DTX2: variants seen among roughly 807,000 people sequenced by gnomAD.
DTX2 encodes probable E3 ubiquitin-protein ligase DTX2.
In DTX2, 29 loss-of-function variants were observed where a neutral mutation model predicts 55.3. The observed-to-expected ratio is 0.52, with a 90% CI of 0.39 to 0.71. The LOEUF is 0.71. Ranked by LOEUF, DTX2 falls within the 30% of genes least tolerant of loss-of-function variation. DTX2 has a pLI of 0.00. For missense variants in DTX2, 537 were observed against 822.5 expected, an observed-to-expected ratio of 0.65 and a Z score of 4.25; for synonymous variants, 276 against 340.4, an observed-to-expected ratio of 0.81 and a Z score of 2.08.
chr7:76,499,568 A>T (rs1170943238), intron 6 of DTX2, among the ~76,000 whole-genome samples: 1 of 149,914 alleles, frequency 6.7e-6, no homozygotes, highest in African/African-American at 2.5e-5. Flanking sequence ...CTTGGGGTGG[A>T]GCCCCTGTCA....
chr7:76,483,841 C>T (rs1467822995), intron 4 of DTX2, among the ~76,000 whole-genome samples: 1 of 151,474 alleles, frequency 6.6e-6, no homozygotes, highest in African/African-American at 2.4e-5. Flanking sequence ...ATCATTTGAA[C>T]CCAGCAGTCA....
At chr7:76,476,478 G>A (rs924586159) in intron 2 of DTX2, among the ~76,000 whole-genome samples, 1 of 152,062 alleles carries the variant, frequency 6.6e-6, no homozygotes, top group Non-Finnish European at 1.5e-5. Context: ...TGCAGCCCCA[G>A]CTCTGCCCTC....
At chr7:76,464,840 T>A (rs1039003281) in intron 2 of DTX2, among the ~76,000 whole-genome samples, 1 of 151,094 alleles carries the variant, frequency 6.6e-6, no homozygotes, top group Non-Finnish European at 1.5e-5. Context: ...CCTCAGTTGC[T>A]TATAGTCTAG....
At chr7:76,464,770 G>A (rs1385385544) in intron 2 of DTX2, among the ~76,000 whole-genome samples, 3 of 150,362 alleles carry the variant, frequency 2.0e-5, no homozygotes, top group South Asian at 2.1e-4. Flanking sequence ...GCTTTGTGGC[G>A]GTCTTCTTAC....
intron 2 of DTX2, among the ~76,000 whole-genome samples, chr7:76,479,599 G>T (rs1808932991): frequency 9.4e-6 from 1 of 106,620 alleles, no homozygotes; most frequent in Non-Finnish European, 1.9e-5. Flanking sequence ...GGCCAACATG[G>T]TGAAACCCCG....
At chr7:76,503,147 C>T (rs1472665061) in intron 8 of DTX2, among the ~76,000 whole-genome samples, 1 of 152,250 alleles carries the variant, frequency 6.6e-6, no homozygotes, top group Non-Finnish European at 1.5e-5. Context: ...ACTGCAAATG[C>T]GATTCACCCG....
chr7:76,481,454 T>C (rs1809200498), intron 3 of DTX2, among the ~76,000 whole-genome samples: 1 of 152,176 alleles, frequency 6.6e-6, no homozygotes. Flanking sequence ...CCCAAAGTGC[T>C]GGGATTACAA....
intron 2 of DTX2, among the ~76,000 whole-genome samples, chr7:76,477,378 T>G (rs368555421): frequency 0.27 from 36,059 of 131,416 alleles, 5,295 homozygotes; most frequent in African/African-American, 0.37. Context: ...GTGCTAGGGG[T>G]GAGGGGCCAG....
chr7:76,481,389 G>A (rs1441666091), intron 3 of DTX2, among the ~76,000 whole-genome samples: 4 of 152,100 alleles, frequency 2.6e-5, no homozygotes, highest in Non-Finnish European at 4.4e-5. Context: ...GTTTTGCCAC[G>A]TTGGCCAGGC....
At chr7:76,502,629 A>T (rs975076842) in intron 8 of DTX2, among the ~76,000 whole-genome samples, 173 bp downstream of exon 8, 11 of 152,124 alleles carry the variant, frequency 7.2e-5, no homozygotes, top group Non-Finnish European at 2.9e-5. Flanking sequence ...CGGCTCTCCT[A>T]GGCCTGCCCT....
Position 76,505,629 on chromosome 7 carries a change from G to A in DTX2, c.*28G>A, listed in dbSNP as rs1198109742. The stretch of plus-strand genomic sequence containing the variant: ...TCGCACCCCAGCACGCCCGCCTCTG[G>A]TGGCCACCCCGCTGCCCCATGGCTG... On this transcript the variant is annotated 3_prime_UTR_variant, in exon 11 of 11. Transcript: ENST00000430490. The surrounding 1 kb of genome is among the most constrained non-coding windows in gnomAD (Gnocchi z 4.4). The A allele has an allele frequency of 2.0e-6, 3 of 1,535,128 alleles. No homozygotes were observed. The highest frequency in any genetic ancestry group is 2.4e-5 in the East Asian group (1 of 40,904).
intron 4 of DTX2, among the ~76,000 whole-genome samples, chr7:76,487,796 TCTC>T (rs1218637752): frequency 1.2e-4 from 11 of 91,584 alleles, no homozygotes; most frequent in African/African-American, 4.4e-4. Context: ...CTGTCTGGGA[TCTC>T]CTGGAGATGG....
Position 76,505,739 on chromosome 7 carries a change from G to GCTCCC in DTX2, c.*140_*144dup, listed in dbSNP as rs1812277048. ...GGGGTGTGCCCCACCTGAAGCCGGG[G>GCTCCC]CTCCCCCTGCCTGCCTCTCTCTCCT... On this transcript the variant is annotated 3_prime_UTR_variant, in exon 11 of 11. Coordinates refer to ENST00000430490, the MANE Select transcript of DTX2 (RefSeq NM_001102594.3). The surrounding 1 kb of genome is among the most constrained non-coding windows in gnomAD (Gnocchi z 4.4). 1 of 896,712 alleles carries GCTCCC rather than the reference G, an allele frequency of 1.1e-6. No homozygotes were observed. Among genetic ancestry groups the GCTCCC allele is most frequent in the Non-Finnish European group, 1.7e-6 (1 of 593,464 alleles). The allele number at this position is 896,712 out of a possible 1,614,324, so 55.5% of individuals were successfully genotyped here.
chr7:76,468,544 G>A (rs1475381906), intron 2 of DTX2, among the ~76,000 whole-genome samples: 3 of 51,586 alleles, frequency 5.8e-5, no homozygotes, highest in Non-Finnish European at 1.0e-4. Flanking sequence ...TGCAGCCTCC[G>A]CCTCCCAGGT....
At chr7:76,464,249 G>A (rs376049821) in intron 2 of DTX2, among the ~76,000 whole-genome samples, 2 of 79,568 alleles carry the variant, frequency 2.5e-5, no homozygotes, top group African/African-American at 6.6e-5. Flanking sequence ...ACAGTCACCT[G>A]GGAGAGGAGT....
chr7:76,502,976 T>C, intron 8 of DTX2: 1 of 209,544 alleles, frequency 4.8e-6, no homozygotes, highest in Non-Finnish European at 9.6e-6. Context: ...CCCCAGCTGC[T>C]CTCCCTGCAT....
At chr7:76,472,777 T>C (rs1808092741) in intron 2 of DTX2, among the ~76,000 whole-genome samples, 8 of 152,070 alleles carry the variant, frequency 5.3e-5, no homozygotes, top group Admixed American at 3.9e-4. Context: ...AAAGGTCTTC[T>C]ATCGTTTCTC....
chr7:76,492,010 A>C, intron 4 of DTX2, 143 bp from the exon 5 acceptor site: 2 of 519,882 alleles, frequency 3.8e-6, no homozygotes, highest in Non-Finnish European at 3.4e-6. Flanking sequence ...AACAAAACCA[A>C]AGGCCTCCAC....
intron 3 of DTX2, among the ~76,000 whole-genome samples, chr7:76,481,349 G>C (rs1177866162): frequency 6.6e-6 from 1 of 152,102 alleles, no homozygotes; most frequent in Non-Finnish European, 1.5e-5. Flanking sequence ...ACCACACCTG[G>C]CTAATTTTTG....
Sources: gnomAD v4.1 joint callset for allele counts (sites outside exome capture counted in the v4.1 genomes callset) on GRCh38, gnomAD v4.1.1 for gene constraint, Gnocchi (gnomAD v3.1) non-coding constraint, MANE v1.5 for transcripts, NCBI Gene and HGNC (gene_info 2026-07-23, HGNC 2026-07-21) for gene names.